SDK1: variants seen among roughly 807,000 people sequenced by gnomAD.
SDK1 encodes the protein sidekick cell adhesion molecule 1.
A neutral mutation model predicts 245.5 loss-of-function variants in SDK1; 157 were observed. The ratio of observed to expected loss-of-function variants is 0.64; its 90% CI spans 0.56 to 0.73. The LOEUF (loss-of-function observed/expected upper bound fraction) is 0.73. Among genes scored for constraint, SDK1 ranks in the 30% least tolerant of loss-of-function variants. SDK1 has a pLI of 0.00. For missense variants in SDK1, 3,583 were observed against 3,002.3 expected (o/e 1.19, Z -4.52); for synonymous variants, 1,647 against 1,278.5 (o/e 1.29, Z -6.15).
chr7:3,680,811 G>A (rs1784076349), intron 4 of SDK1, among the ~76,000 whole-genome samples: 1 of 152,136 alleles, frequency 6.6e-6, no homozygotes. Flanking sequence ...TTATGCGTTA[G>A]CCACTTTGTA....
intron 29 of SDK1, among the ~76,000 whole-genome samples, chr7:4,148,408 C>G (rs1780132671): frequency 6.6e-6 from 1 of 152,250 alleles, no homozygotes; most frequent in Non-Finnish European, 1.5e-5. Context: ...GATGGGCACT[C>G]CAGGCCGGGC....
At chr7:3,655,275 A>T (rs1783127188) in intron 4 of SDK1, among the ~76,000 whole-genome samples, 1 of 150,732 alleles carries the variant, frequency 6.6e-6, no homozygotes, top group South Asian at 2.1e-4. Context: ...CTCTACTAAA[A>T]ATACAAAATT....
intron 1 of SDK1, among the ~76,000 whole-genome samples, chr7:3,354,538 A>G (rs1349247010): frequency 2.6e-5 from 4 of 152,212 alleles, no homozygotes; most frequent in Non-Finnish European, 5.9e-5. Context: ...TTCAATTGTA[A>G]GAATATTTTG....
chr7:3,453,350 C>T (rs1347936197), intron 1 of SDK1, among the ~76,000 whole-genome samples: 3 of 152,192 alleles, frequency 2.0e-5, no homozygotes, highest in African/African-American at 7.2e-5. Flanking sequence ...AATGTTATTC[C>T]TCACATTTGG....
intron 1 of SDK1, among the ~76,000 whole-genome samples, chr7:3,533,058 A>G (rs957195776): frequency 2.0e-5 from 3 of 152,226 alleles, no homozygotes; most frequent in Non-Finnish European, 2.9e-5. Flanking sequence ...TATTCTATCA[A>G]ATTATACATG....
At chr7:4,143,943 C>T (rs895115828) in intron 28 of SDK1, among the ~76,000 whole-genome samples, 2 of 152,152 alleles carry the variant, frequency 1.3e-5, no homozygotes, top group African/African-American at 2.4e-5. Context: ...GCAGTGTAGC[C>T]GCTGTGGTCA....
intron 1 of SDK1, among the ~76,000 whole-genome samples, chr7:3,528,489 A>G (rs1434064364): frequency 6.6e-6 from 1 of 151,970 alleles, no homozygotes; most frequent in African/African-American, 2.4e-5. Context: ...AGAGAAGGCC[A>G]TGGAGGATTT....
intron 1 of SDK1, among the ~76,000 whole-genome samples, chr7:3,611,201 C>G (rs957775165): frequency 2.0e-5 from 3 of 152,088 alleles, no homozygotes; most frequent in Non-Finnish European, 2.9e-5. Flanking sequence ...ATTTGAAAGT[C>G]TACCACTGGG....
At chr7:3,806,458 T>C (rs1358646341) in intron 4 of SDK1, among the ~76,000 whole-genome samples, 1 of 152,076 alleles carries the variant, frequency 6.6e-6, no homozygotes, top group Non-Finnish European at 1.5e-5. Flanking sequence ...GGCTAAAGAG[T>C]TGGGCCCCAG....
chr7:3,331,353 A>G (rs543616088), intron 1 of SDK1, among the ~76,000 whole-genome samples: 1 of 152,280 alleles, frequency 6.6e-6, no homozygotes, highest in East Asian at 1.9e-4. Context: ...AATAAGTGTG[A>G]AGTGGTATTT....
At chr7:4,225,132 G>A (rs576922648) in intron 40 of SDK1, among the ~76,000 whole-genome samples, 1 of 151,860 alleles carries the variant, frequency 6.6e-6, no homozygotes. Flanking sequence ...CTGTCACAGG[G>A]TCACAGAAGG....
At chr7:3,477,357 G>T (rs1583917087) in intron 1 of SDK1, among the ~76,000 whole-genome samples, 1 of 151,002 alleles carries the variant, frequency 6.6e-6, no homozygotes, top group African/African-American at 2.4e-5. Context: ...CACCACACCT[G>T]GTGAATTTTT....
chr7:4,086,256 T>A (rs370446188), intron 22 of SDK1, among the ~76,000 whole-genome samples: 1 of 152,206 alleles, frequency 6.6e-6, no homozygotes, highest in African/African-American at 2.4e-5. Context: ...TAGCTAGTCC[T>A]CTGCTGACAC....
intron 1 of SDK1, among the ~76,000 whole-genome samples, chr7:3,310,356 T>C (rs1444867924): frequency 2.0e-5 from 3 of 152,208 alleles, no homozygotes; most frequent in Non-Finnish European, 4.4e-5. Context: ...GAAACCAGAA[T>C]GAATGACTGT....
intron 5 of SDK1, among the ~76,000 whole-genome samples, chr7:3,855,618 A>C (rs1483906877): frequency 6.6e-6 from 1 of 152,248 alleles, no homozygotes; most frequent in South Asian, 2.1e-4. Context: ...ATATTCATCA[A>C]ATGACAGGAG....
At chr7:3,927,988 A>G (rs933047169) in intron 5 of SDK1, among the ~76,000 whole-genome samples, 2 of 152,222 alleles carry the variant, frequency 1.3e-5, no homozygotes, top group African/African-American at 4.8e-5. Context: ...GTTTAGTGAG[A>G]GAAACTGAGC....
rs776875199 is a variant in SDK1, at chr7:4,174,297, G to A, written c.4876G>A (p.Gly1626Arg). Residue 1626 changes from glycine to arginine, a missense_variant, in exon 33 of 45, where the codon GGG becomes AGG. By Grantham distance (125) the Gly-to-Arg change is moderately radical (BLOSUM62 -2). Transcript: ENST00000404826. ...IYYRELEYEA[G>R]SGTEAKTLKN... ...CTACAGGGAGCTGGAGTATGAAGCCGGGTCAGGCACTGAGGCCAAGACGCT... is the reference window on the plus strand; with the variant it reads ...CTACAGGGAGCTGGAGTATGAAGCCAGGTCAGGCACTGAGGCCAAGACGCT... 1.9e-5 allele frequency: 30 copies of A among 1,613,832 alleles called. No homozygotes were observed. Among genetic ancestry groups the A allele is most frequent in the Middle Eastern group, 3.3e-4 (2 of 6,084 alleles).
intron 1 of SDK1, among the ~76,000 whole-genome samples, chr7:3,528,987 A>AGG (rs1314800462): frequency 6.6e-6 from 1 of 152,090 alleles, no homozygotes; most frequent in African/African-American, 2.4e-5. Context: ...TGAGCCAGGG[A>AGG]GGTAGCTAGC....
intron 1 of SDK1, among the ~76,000 whole-genome samples, chr7:3,388,784 T>C (rs868118332): frequency 2.0e-5 from 3 of 150,814 alleles, no homozygotes; most frequent in Non-Finnish European, 4.4e-5. Context: ...GAGATTTCTG[T>C]CACACTAAGT....
Sources: allele counts gnomAD v4.1 joint callset (sites outside exome capture counted in the v4.1 genomes callset), GRCh38; gene constraint gnomAD v4.1.1; transcripts MANE v1.5; gene names NCBI Gene and HGNC (gene_info 2026-07-23, HGNC 2026-07-21).